PLCB1: variants seen among roughly 807,000 people sequenced by gnomAD.
The protein encoded by PLCB1 is phospholipase C beta 1.
A neutral mutation model predicts 161.8 loss-of-function variants in PLCB1; 46 were observed. The observed-to-expected ratio is 0.28, with a 90% confidence interval of 0.22 to 0.36. The LOEUF is 0.36. Ranked by LOEUF, PLCB1 falls within the 10% of genes least tolerant of loss-of-function variation. The probability of loss-of-function intolerance (pLI) is 1.00; values close to 1 mark genes in which losing one functional copy is unlikely to be tolerated. For synonymous variants in PLCB1, 517 were observed against 503.7 expected (o/e 1.03, Z -0.35); for missense variants, 1,016 against 1,472.5 (o/e 0.69, Z 5.07).
chr20:8,553,321 T>G (rs1455934680), intron 3 of PLCB1, among the ~76,000 whole-genome samples: 2 of 152,176 alleles, frequency 1.3e-5, no homozygotes, highest in Admixed American at 6.5e-5. Context: ...TATTGAAGTT[T>G]TAGTGGAGTG....
At chr20:8,232,942 T>A (rs887849983) in intron 2 of PLCB1, among the ~76,000 whole-genome samples, 12 of 152,184 alleles carry the variant, frequency 7.9e-5, no homozygotes, top group African/African-American at 2.7e-4. Context: ...GGCTGGGCTC[T>A]AAGTGGAAAT....
intron 23 of PLCB1, among the ~76,000 whole-genome samples, chr20:8,744,789 G>A (rs1031864139): frequency 1.3e-5 from 2 of 151,956 alleles, no homozygotes; most frequent in Admixed American, 6.6e-5. Flanking sequence ...TAATGACTAG[G>A]GGAAAATGTC....
intron 27 of PLCB1, among the ~76,000 whole-genome samples, chr20:8,779,413 C>T (rs549416258): frequency 3.4e-5 from 5 of 146,844 alleles, no homozygotes. Context: ...CTCTATCAAT[C>T]GATAAGCACC....
rs992087697 is a variant in PLCB1 at position 8,486,155 on chromosome 20, C to T, written c.246+114705C>T. ...CGCCCCCATGATCCAATTACCTCCA[C>T]GGGGTCCCTCCCATGACACATGGGG... On this transcript the variant is annotated intron_variant, in intron 3 of 31. Transcript: ENST00000338037. Among the ~76,000 whole-genome samples, 8 of 152,264 alleles carry T rather than the reference C, an allele frequency of 5.3e-5. No individual in the cohort carries two copies. The East Asian group carries it at 9.7e-4, about 18-fold the overall frequency.
intron 3 of PLCB1, among the ~76,000 whole-genome samples, chr20:8,444,308 C>A (rs551649976): frequency 9.2e-5 from 14 of 151,944 alleles, no homozygotes; most frequent in African/African-American, 2.7e-4. Flanking sequence ...TTTGTCCTTG[C>A]GATAGTTTGC....
At chr20:8,158,831 G>A (rs200952762) in intron 2 of PLCB1, among the ~76,000 whole-genome samples, 20 of 152,150 alleles carry the variant, frequency 1.3e-4, no homozygotes, top group Admixed American at 4.6e-4. Flanking sequence ...CTTTGACTCC[G>A]TGTCTCACAT....
intron 2 of PLCB1, among the ~76,000 whole-genome samples, chr20:8,263,806 A>G (rs957864598): frequency 9.2e-5 from 14 of 152,224 alleles, no homozygotes; most frequent in African/African-American, 3.4e-4. Context: ...AACACTTACC[A>G]TGAATGGAGC....
chr20:8,464,109 T>G lies in PLCB1; in HGVS notation c.246+92659T>G, dbSNP rs375809244. ...TTGACAGTTGTTTCTTCTTGGCACA[T>G]TGGCAGCAGTTTCTCCTATAGTCTA... On this transcript the variant is annotated intron_variant, in intron 3 of 31. Coordinates refer to ENST00000338037, the MANE Select transcript of PLCB1 (RefSeq NM_015192.4). 1.7e-4 allele frequency among the ~76,000 whole-genome samples: 26 copies of G among 152,310 alleles called. 1 individual carries two copies. The highest frequency in any genetic ancestry group is 5.5e-4 in the African/African-American group (23 of 41,576).
At chr20:8,304,365 C>G (rs1188734098) in intron 2 of PLCB1, among the ~76,000 whole-genome samples, 1 of 151,990 alleles carries the variant, frequency 6.6e-6, no homozygotes, top group East Asian at 1.9e-4. Flanking sequence ...CTCTTGTGGC[C>G]AGAAACTACC....
intron 31 of PLCB1, among the ~76,000 whole-genome samples, chr20:8,825,188 C>A (rs987808000): frequency 1.3e-5 from 2 of 152,068 alleles, no homozygotes; most frequent in Non-Finnish European, 1.5e-5. Context: ...TGAAATTTAC[C>A]CCCCCAAAAA....
At chr20:8,651,173 T>C (rs1989310911) in intron 7 of PLCB1, among the ~76,000 whole-genome samples, 3 of 152,124 alleles carry the variant, frequency 2.0e-5, no homozygotes, top group African/African-American at 7.2e-5. Flanking sequence ...TAACATGACT[T>C]TATAGGAAGA....
intron 31 of PLCB1, among the ~76,000 whole-genome samples, chr20:8,818,877 G>T (rs1308434587): frequency 6.6e-6 from 1 of 151,430 alleles, no homozygotes; most frequent in African/African-American, 2.4e-5. Flanking sequence ...GGAGGCGGAG[G>T]CTGCAGTGAG....
At chr20:8,190,311 A>G (rs2051954388) in intron 2 of PLCB1, among the ~76,000 whole-genome samples, 1 of 152,098 alleles carries the variant, frequency 6.6e-6, no homozygotes, top group Admixed American at 6.6e-5. Flanking sequence ...TAGTTTCTTA[A>G]TATCTCTTTT....
intron 3 of PLCB1, among the ~76,000 whole-genome samples, chr20:8,566,136 C>A (rs977794881): frequency 8.6e-5 from 13 of 151,996 alleles, no homozygotes; most frequent in African/African-American, 2.4e-4. Flanking sequence ...TTCTAAGACC[C>A]CAAACTATGT....
intron 31 of PLCB1, among the ~76,000 whole-genome samples, chr20:8,831,901 TC>T (rs1262802917): frequency 4.4e-5 from 5 of 112,900 alleles, no homozygotes; most frequent in Non-Finnish European, 5.8e-5. Context: ...TCTTTCTCCC[TC>T]TCTTTCTTTC....
At chr20:8,668,182 AG>A (rs1161495482) in intron 9 of PLCB1, among the ~76,000 whole-genome samples, 1 of 151,994 alleles carries the variant, frequency 6.6e-6, no homozygotes, top group Non-Finnish European at 1.5e-5. Context: ...AGATTAAGTG[AG>A]GGATGGACCT....
chr20:8,240,304 A>ACACG (rs757143513), intron 2 of PLCB1, among the ~76,000 whole-genome samples: 1,829 of 149,904 alleles, frequency 0.012, 36 homozygotes, highest in African/African-American at 0.041. Context: ...ACACACACAC[A>ACACG]CGCACACACA....
intron 3 of PLCB1, among the ~76,000 whole-genome samples, chr20:8,574,959 G>A (rs1008561924): frequency 3.9e-5 from 6 of 152,216 alleles, no homozygotes; most frequent in African/African-American, 1.4e-4. Context: ...ACAGAGGCCT[G>A]TAATCGGTAT....
intron 31 of PLCB1, among the ~76,000 whole-genome samples, chr20:8,864,960 G>A (rs1257455979): frequency 6.6e-6 from 1 of 152,216 alleles, no homozygotes; most frequent in Non-Finnish European, 1.5e-5. Flanking sequence ...GAAGGAGAAA[G>A]TAAGATTTAG....
Sources: allele counts gnomAD v4.1 joint callset (sites outside exome capture counted in the v4.1 genomes callset), GRCh38; gene constraint gnomAD v4.1.1; transcripts MANE v1.5; gene names NCBI Gene and HGNC (gene_info 2026-07-23, HGNC 2026-07-21).